PDZRN3: variants seen among roughly 807,000 people sequenced by gnomAD.
PDZRN3 encodes the protein E3 ubiquitin-protein ligase PDZRN3.
PDZRN3 carries 38 observed loss-of-function variants against 85.7 expected under a neutral mutation model. That is an observed-to-expected ratio of 0.44 (90% confidence interval 0.34 to 0.58). PDZRN3 has a LOEUF of 0.58. Ranked by LOEUF, PDZRN3 falls within the 20% of genes least tolerant of loss-of-function variation. The probability of loss-of-function intolerance (pLI) is 0.01; values close to 1 mark genes in which losing one functional copy is unlikely to be tolerated. For synonymous variants in PDZRN3, 759 were observed against 638.0 expected, an observed-to-expected ratio of 1.19 and a Z score of -2.86; for missense variants, 1,629 against 1,506.4, an observed-to-expected ratio of 1.08 and a Z score of -1.35.
At chr3:73,466,796 TTTAAC>T (rs985907503) in intron 3 of PDZRN3, among the ~76,000 whole-genome samples, 17 of 152,270 alleles carry the variant, frequency 1.1e-4, no homozygotes, top group African/African-American at 4.1e-4. Context: ...TGGTTTCTGT[TTTAAC>T]TAACAAAAGA....
intron 3 of PDZRN3, among the ~76,000 whole-genome samples, chr3:73,407,158 G>A (rs1701871916): frequency 6.6e-6 from 1 of 152,206 alleles, no homozygotes. Flanking sequence ...GGATGAGAGA[G>A]CTGCTAGGGA....
chr3:73,429,457 C>G (rs1702386486), intron 3 of PDZRN3, among the ~76,000 whole-genome samples: 1 of 151,418 alleles, frequency 6.6e-6, no homozygotes, highest in Non-Finnish European at 1.5e-5. Context: ...GATGCAGAGT[C>G]TCTTTGCTCT....
chr3:73,447,401 C>T (rs113282168), intron 3 of PDZRN3, among the ~76,000 whole-genome samples: 1 of 152,224 alleles, frequency 6.6e-6, no homozygotes, highest in African/African-American at 2.4e-5. Flanking sequence ...ATTCTGAAGG[C>T]TCCCAAATCT....
intron 3 of PDZRN3, among the ~76,000 whole-genome samples, chr3:73,467,383 G>A (rs1014437174): frequency 1.3e-5 from 2 of 152,162 alleles, no homozygotes; most frequent in Admixed American, 6.6e-5. Context: ...AAATACAAAA[G>A]GACAAATATT....
At chr3:73,434,515 C>T (rs1702495078) in intron 3 of PDZRN3, among the ~76,000 whole-genome samples, 1 of 152,134 alleles carries the variant, frequency 6.6e-6, no homozygotes, top group Non-Finnish European at 1.5e-5. Flanking sequence ...AGAGGCTGCC[C>T]TACAGGTGAG....
intron 3 of PDZRN3, among the ~76,000 whole-genome samples, chr3:73,564,178 A>G (rs1701896351): frequency 6.6e-6 from 1 of 152,206 alleles, no homozygotes; most frequent in African/African-American, 2.4e-5. Context: ...CAGCTGAATG[A>G]TTTAGAACAG....
intron 9 of PDZRN3, among the ~76,000 whole-genome samples, chr3:73,385,430 CAGA>C (rs1701353430): frequency 1.3e-5 from 2 of 152,338 alleles, no homozygotes; most frequent in South Asian, 4.1e-4. Flanking sequence ...AACAAATTAT[CAGA>C]AGGTCAGCTT....
intron 3 of PDZRN3, among the ~76,000 whole-genome samples, chr3:73,570,277 A>C (rs1435839273): frequency 5.9e-5 from 9 of 152,236 alleles, no homozygotes. Context: ...AAACAAACGA[A>C]TACTGACTAA....
intron 3 of PDZRN3, among the ~76,000 whole-genome samples, chr3:73,581,214 T>A (rs1040773707): frequency 2.6e-5 from 4 of 152,262 alleles, no homozygotes; most frequent in Non-Finnish European, 5.9e-5. Context: ...GATGGTTTGC[T>A]TATGATGTTT....
rs776524385 is a variant in PDZRN3 at position 73,383,945 on chromosome 3, G to A, written c.2621C>T (p.Pro874Leu). 4.4e-6 allele frequency: 7 copies of A among 1,604,178 alleles called. No homozygotes were observed. The highest frequency in any genetic ancestry group is 6.0e-6 in the Non-Finnish European group (7 of 1,175,704). Residue 874 changes from proline to leucine, a missense_variant, in exon 10 of 10, where the codon CCG becomes CTG. Coordinates refer to ENST00000263666, the MANE Select transcript of PDZRN3 (RefSeq NM_015009.3). ...HHSPYKHAHI[P>L]AHAQHYQSYM... is the part of the protein sequence containing the mutation. Reference sequence around the variant, plus strand: ...GCTCTGGTAGTGCTGGGCGTGCGCCGGGATGTGCGCGTGCTTGTATGGGGA... The same window carrying A: ...GCTCTGGTAGTGCTGGGCGTGCGCCAGGATGTGCGCGTGCTTGTATGGGGA...
At chr3:73,516,212 C>T (rs1704253241) in intron 3 of PDZRN3, among the ~76,000 whole-genome samples, 1 of 152,184 alleles carries the variant, frequency 6.6e-6, no homozygotes, top group South Asian at 2.1e-4. Flanking sequence ...TGTATACATA[C>T]ATATCTTGGC....
chr3:73,510,263 T>C (rs372161398), intron 3 of PDZRN3, among the ~76,000 whole-genome samples: 2 of 152,210 alleles, frequency 1.3e-5, no homozygotes, highest in East Asian at 1.9e-4. Flanking sequence ...GTAATAAATA[T>C]AGTTCATGGG....
At chr3:73,575,523 A>G (rs1037172469) in intron 3 of PDZRN3, among the ~76,000 whole-genome samples, 11 of 152,236 alleles carry the variant, frequency 7.2e-5, no homozygotes, top group African/African-American at 2.7e-4. Context: ...ATTGAATAGA[A>G]AGTTAACTAC....
At chr3:73,512,645 AACTTGCCTGT>A (rs1031789715) in intron 3 of PDZRN3, among the ~76,000 whole-genome samples, 1 of 152,158 alleles carries the variant, frequency 6.6e-6, no homozygotes, top group African/African-American at 2.4e-5. Context: ...AAGTTTCTTT[AACTTGCCTGT>A]TATAGTAAAT....
chr3:73,446,502 C>G (rs896707915), intron 3 of PDZRN3, among the ~76,000 whole-genome samples: 1 of 152,126 alleles, frequency 6.6e-6, no homozygotes, highest in Non-Finnish European at 1.5e-5. Flanking sequence ...AAACTTCATG[C>G]GTTAGTACCT....
At chr3:73,578,339 T>C (rs1026235808) in intron 3 of PDZRN3, among the ~76,000 whole-genome samples, 11 of 152,136 alleles carry the variant, frequency 7.2e-5, no homozygotes, top group Middle Eastern at 3.4e-3. Context: ...TGGCTAATTT[T>C]TTGTATTTTT....
At chr3:73,573,830 TA>T (rs1702079408) in intron 3 of PDZRN3, among the ~76,000 whole-genome samples, 1 of 7,352 alleles carries the variant, frequency 1.4e-4, no homozygotes, top group Non-Finnish European at 2.8e-4. Context: ...TACATATACA[TA>T]TACATATACA....
rs542318569 is a variant in PDZRN3, at chr3:73,549,632, T to G, written c.918+52722A>C. ...GGAGAGAAGGGTTTGGAAAAGGAAA[T>G]GGAACTAGAAGTCCCAAGAATCGGA... On this transcript the variant is annotated intron_variant, in intron 3 of 9. Transcript: ENST00000263666. Among the ~76,000 whole-genome samples the G allele has an allele frequency of 9.9e-5, 15 of 152,280 alleles. No individual in the cohort carries two copies. The East Asian group carries it at 1.7e-3, about 18-fold the overall frequency.
chr3:73,531,106 C>G (rs1197312900), intron 3 of PDZRN3, among the ~76,000 whole-genome samples: 3 of 152,064 alleles, frequency 2.0e-5, no homozygotes, highest in African/African-American at 7.2e-5. Context: ...AAAAAATTAG[C>G]CAGGCATGGT....
Sources: gnomAD v4.1 joint callset for allele counts (sites outside exome capture counted in the v4.1 genomes callset) on GRCh38, gnomAD v4.1.1 for gene constraint, MANE v1.5 for transcripts, NCBI Gene and HGNC (gene_info 2026-07-23, HGNC 2026-07-21) for gene names.